HSPA12A: variants seen among roughly 807,000 people sequenced by gnomAD.
The protein encoded by HSPA12A is heat shock 70 kDa protein 12A.
Under a neutral mutation model 69.2 loss-of-function variants are expected in HSPA12A, and 28 were observed. That is an observed-to-expected ratio of 0.40 (90% CI 0.30 to 0.55). The LOEUF (loss-of-function observed/expected upper bound fraction) is 0.55. Among genes scored for constraint, HSPA12A ranks in the 20% least tolerant of loss-of-function variants. HSPA12A has a pLI of 0.38. For synonymous variants in HSPA12A, 345 were observed against 370.5 expected (o/e 0.93, Z 0.79); for missense variants, 686 against 900.7 (o/e 0.76, Z 3.05).
chr10:116,836,695 G>A (rs1421615266), intron 1 of HSPA12A, among the ~76,000 whole-genome samples: 1 of 151,790 alleles, frequency 6.6e-6, no homozygotes. Flanking sequence ...TGTGACTGGT[G>A]GATTTTTAAG....
At chr10:116,716,280 C>T (rs1350465779) in intron 1 of HSPA12A, among the ~76,000 whole-genome samples, 1 of 152,178 alleles carries the variant, frequency 6.6e-6, no homozygotes, top group Non-Finnish European at 1.5e-5. Flanking sequence ...GTCCTTCAGA[C>T]TTGCTGAGAT....
intron 6 of HSPA12A, among the ~76,000 whole-genome samples, chr10:116,690,452 G>C (rs2907236): frequency 0.018 from 2,687 of 152,260 alleles, 78 homozygotes; most frequent in African/African-American, 0.061. Flanking sequence ...AATCCACTCA[G>C]CGGCTGTCAA....
rs78907590 is a variant in HSPA12A at position 116,721,195 on chromosome 10, T to C, written c.41-13910A>G. Among the ~76,000 whole-genome samples, 168 of 152,322 alleles carry C rather than the reference T, an allele frequency of 1.1e-3. 2 individuals are homozygous for C. In the East Asian group the frequency reaches 0.03, roughly 27 times the overall value. The stretch of plus-strand genomic sequence containing the variant: ...GCTAAGTTAAGTATGCATGGCAAAA[T>C]TTCAAGGGTAACTAATCTTGAAAGC... On this transcript the variant is annotated intron_variant, in intron 1 of 11. Coordinates refer to ENST00000369209, the MANE Select transcript of HSPA12A (RefSeq NM_025015.3).
At chr10:116,784,346 C>T (rs573751908) in intron 2 of HSPA12A, among the ~76,000 whole-genome samples, 2 of 152,266 alleles carry the variant, frequency 1.3e-5, no homozygotes, top group African/African-American at 4.8e-5. Context: ...GGTCTTTGAG[C>T]ACTTTCCAAA....
At chr10:116,773,289 C>T (rs532499712) in intron 2 of HSPA12A, among the ~76,000 whole-genome samples, 2 of 139,732 alleles carry the variant, frequency 1.4e-5, no homozygotes, top group African/African-American at 2.8e-5. Context: ...GGCTTCAGTC[C>T]ACTGAGCAGT....
chr10:116,683,111 C>T (rs1278028382), intron 7 of HSPA12A, among the ~76,000 whole-genome samples: 1 of 151,928 alleles, frequency 6.6e-6, no homozygotes, highest in Non-Finnish European at 1.5e-5. Context: ...TCTCACTTAG[C>T]GCTCATATTG....
At chr10:116,779,954 G>A (rs72829701) in intron 2 of HSPA12A, among the ~76,000 whole-genome samples, 2,175 of 152,220 alleles carry the variant, frequency 0.014, 23 homozygotes, top group Non-Finnish European at 0.025. Flanking sequence ...AGGGCTGGCC[G>A]GCCCTGAAGG....
intron 2 of HSPA12A, among the ~76,000 whole-genome samples, chr10:116,783,224 G>A (rs1000476361): frequency 1.3e-5 from 2 of 152,206 alleles, no homozygotes; most frequent in African/African-American, 2.4e-5. Flanking sequence ...CACCATCGAC[G>A]TGGTGCTGTG....
chr10:116,849,641 G>A (rs1266721218), exon 1 of HSPA12A: 5 of 1,550,292 alleles, frequency 3.2e-6, no homozygotes, highest in South Asian at 2.4e-5. Flanking sequence ...AGGCGATGGA[G>A]TACTACCGGG....
chr10:116,721,039 T>C (rs528661893), intron 1 of HSPA12A, among the ~76,000 whole-genome samples: 37 of 152,348 alleles, frequency 2.4e-4, no homozygotes, highest in Non-Finnish European at 4.3e-4. Flanking sequence ...CCAGAGACTT[T>C]TTAAGACCTT....
At chr10:116,679,421 A>C in intron 10 of HSPA12A, 82 bp downstream of exon 10, 1 of 1,542,534 alleles carries the variant, frequency 6.5e-7, no homozygotes, top group South Asian at 1.2e-5. Context: ...TGGAACCCGA[A>C]GTCCACACTT....
rs1844712477 is a variant in HSPA12A at position 116,792,173 on chromosome 10, T to C, written c.91+42762A>G. On this transcript the variant is annotated intron_variant, in intron 2 of 12. Coordinates refer to the HSPA12A transcript ENST00000635765. ...ATCCATGGGAAGCCACGTACATGCATGTACGTTGATCACGTAAGCATGTGA... is the reference window on the plus strand; with the variant it reads ...ATCCATGGGAAGCCACGTACATGCACGTACGTTGATCACGTAAGCATGTGA... Among the ~76,000 whole-genome samples the C allele has an allele frequency of 2.7e-5, 4 of 148,020 alleles. No individual in the cohort carries two copies. The South Asian group carries it at 8.5e-4, about 31-fold the overall frequency.
At chr10:116,718,713 T>C (rs1321563614) in intron 1 of HSPA12A, among the ~76,000 whole-genome samples, 1 of 152,138 alleles carries the variant, frequency 6.6e-6, no homozygotes, top group East Asian at 1.9e-4. Context: ...AGTGGGCCCC[T>C]TTTTTTGAAT....
intron 5 of HSPA12A, among the ~76,000 whole-genome samples, chr10:116,695,961 C>G (rs782059302): frequency 2.1e-5 from 3 of 140,998 alleles, no homozygotes; most frequent in Non-Finnish European, 4.5e-5. Flanking sequence ...CGAGATCGCA[C>G]TACTGCACTC....
chr10:116,694,529 C>T (rs901361086), intron 5 of HSPA12A, among the ~76,000 whole-genome samples: 1 of 152,200 alleles, frequency 6.6e-6, no homozygotes, highest in Non-Finnish European at 1.5e-5. Context: ...CTTCTGGGGC[C>T]GTTCCCTCCA....
intron 2 of HSPA12A, among the ~76,000 whole-genome samples, chr10:116,818,385 A>T (rs111619167): frequency 3.3e-5 from 5 of 149,996 alleles, no homozygotes; most frequent in Non-Finnish European, 7.4e-5. Flanking sequence ...TCCCTGCTTT[A>T]CCCAGCTGCT....
intron 2 of HSPA12A, among the ~76,000 whole-genome samples, chr10:116,792,075 A>T (rs942049362): frequency 2.6e-5 from 4 of 151,864 alleles, no homozygotes; most frequent in African/African-American, 9.7e-5. Context: ...AATAATAATG[A>T]TGGCCATAAA....
At chr10:116,836,995 G>A (rs1044059425) in intron 1 of HSPA12A, among the ~76,000 whole-genome samples, 9 of 152,162 alleles carry the variant, frequency 5.9e-5, no homozygotes, top group Non-Finnish European at 1.3e-4. Flanking sequence ...GGTAGCAGGG[G>A]CCTTGGTTTG....
chr10:116,840,533 G>C (rs966877609), intron 1 of HSPA12A, among the ~76,000 whole-genome samples: 1 of 152,178 alleles, frequency 6.6e-6, no homozygotes, highest in Admixed American at 6.5e-5. Flanking sequence ...ATAAAGAAAA[G>C]AAAGCATTTA....
Sources: allele counts gnomAD v4.1 joint callset (sites outside exome capture counted in the v4.1 genomes callset), GRCh38; gene constraint gnomAD v4.1.1; transcripts MANE v1.5; gene names NCBI Gene and HGNC (gene_info 2026-07-23, HGNC 2026-07-21).